Variants in DCAF6 observed in about 807,000 individuals in gnomAD.
DCAF6 encodes DDB1 and CUL4 associated factor 6, also known as DDB1- and CUL4-associated factor 6.
DCAF6 carries 54 observed loss-of-function variants against 125.1 expected under a neutral mutation model. That is an observed-to-expected ratio of 0.43 (90% confidence interval 0.35 to 0.54). The LOEUF (loss-of-function observed/expected upper bound fraction) is 0.54, where lower values mean the gene tolerates loss of function less well. Ranked by LOEUF, DCAF6 falls within the 20% of genes least tolerant of loss-of-function variation. The probability of loss-of-function intolerance (pLI) is 0.01; values close to 1 mark genes in which losing one functional copy is unlikely to be tolerated. For missense variants in DCAF6, 934 were observed against 1,161.7 expected (o/e 0.80, Z 2.85); for synonymous variants, 371 against 390.4 (o/e 0.95, Z 0.58).
the DCAF6 span, among the ~76,000 whole-genome samples, chr1:167,890,589 G>A: frequency 9.8e-6 from 1 of 102,256 alleles, no homozygotes; most frequent in Admixed American, 1.2e-4. Context: ...CAAGGCTCTA[G>A]CACTCTACAA....
At chr1:167,983,636 T>G (rs1412787140) in intron 4 of DCAF6, among the ~76,000 whole-genome samples, 1 of 152,250 alleles carries the variant, frequency 6.6e-6, no homozygotes, top group African/African-American at 2.4e-5. Context: ...GGTCCTTCTT[T>G]GGCATGTGCA....
chr1:168,062,474 C>G (rs1691721040), intron 17 of DCAF6, among the ~76,000 whole-genome samples: 1 of 152,176 alleles, frequency 6.6e-6, no homozygotes, highest in Non-Finnish European at 1.5e-5. Flanking sequence ...TGCCTGTTTT[C>G]CTGAACTCTT....
the DCAF6 span, among the ~76,000 whole-genome samples, chr1:167,912,774 G>A: frequency 6.6e-6 from 1 of 152,152 alleles, no homozygotes; most frequent in African/African-American, 2.4e-5. Flanking sequence ...TAAGAACCTT[G>A]GTGTTCCTCC....
chr1:168,005,966 CAGA>C lies in DCAF6; in HGVS notation c.1378+1176_1378+1178del, dbSNP rs767408995. 2.1e-4 allele frequency among the ~76,000 whole-genome samples: 32 copies of C among 152,102 alleles called. 1 individual carries two copies. In the East Asian group the frequency reaches 2.5e-3, roughly 12 times the overall value. On this transcript the variant is annotated intron_variant, in intron 10 of 21. Transcript: ENST00000367840. ...TTTTGGAAGATTTGGGAATTAAAAG[CAGA>C]AGTAGTTAAAAGTTTGTTTTTCAAA...
chr1:167,863,956 A>C, the DCAF6 span, among the ~76,000 whole-genome samples: 1 of 152,086 alleles, frequency 6.6e-6, no homozygotes, highest in African/African-American at 2.4e-5. Context: ...ATTACTTGAC[A>C]GGACTGGTCT....
At chr1:167,989,554 A>G (rs2102997923) in intron 5 of DCAF6, among the ~76,000 whole-genome samples, 1 of 152,336 alleles carries the variant, frequency 6.6e-6, no homozygotes, top group South Asian at 2.1e-4. Context: ...TGAGATTAGT[A>G]ATTGAACAAA....
chr1:167,936,923 T>G lies in DCAF6; in HGVS notation c.12T>G (p.Gly4=). 1 of 1,604,216 alleles carries G rather than the reference T, an allele frequency of 6.2e-7. No individual in the cohort carries two copies. The highest frequency in any genetic ancestry group is 8.5e-7 in the Non-Finnish European group (1 of 1,176,624). Reference sequence around the variant, plus strand: ...GCTCAGGCAGAGCCATGTCTCGGGGTGGCTCCTACCCACACCTGTTGTGGG... The same window carrying G: ...GCTCAGGCAGAGCCATGTCTCGGGGGGGCTCCTACCCACACCTGTTGTGGG... MSR[G]GSYPHLLWDV... The change falls in exon 1 of 22, where the codon GGT becomes GGG. Residue 4 remains glycine (G), a synonymous_variant. Coordinates refer to ENST00000367840, the MANE Select transcript of DCAF6 (RefSeq NM_001198956.2).
At chr1:168,072,139 A>G (rs1693122465) in intron 21 of DCAF6, among the ~76,000 whole-genome samples, 2 of 151,826 alleles carry the variant, frequency 1.3e-5, no homozygotes, top group Admixed American at 1.3e-4. Context: ...GTACTGAAAA[A>G]TACAAAAATT....
At chr1:167,894,942 T>C in the DCAF6 span, among the ~76,000 whole-genome samples, 1 of 152,114 alleles carries the variant, frequency 6.6e-6, no homozygotes, top group Non-Finnish European at 1.5e-5. Flanking sequence ...CCCAGCACTT[T>C]GGGAGGCCAA....
At chr1:168,069,139 C>G (rs1692731293) in intron 21 of DCAF6, among the ~76,000 whole-genome samples, 3 of 152,034 alleles carry the variant, frequency 2.0e-5, no homozygotes, top group Admixed American at 2.0e-4. Flanking sequence ...CAGCTTTATC[C>G]TCATTTACCT....
the DCAF6 span, among the ~76,000 whole-genome samples, chr1:167,894,749 T>A: frequency 6.6e-6 from 1 of 152,206 alleles, no homozygotes; most frequent in Admixed American, 6.5e-5. Flanking sequence ...CCTGAGGGCA[T>A]TAAGGAGATC....
Position 168,044,299 on chromosome 1 carries a change from A to G in DCAF6, c.1844-286A>G, listed in dbSNP as rs79986816. On this transcript the variant is annotated intron_variant, in intron 14 of 21. Transcript: ENST00000367840. ...TTGGCCCTACATGCCCATGGATTCC[A>G]TGGAAATACTCCCTCCCAAAATAAC... is the stretch of plus-strand genomic sequence containing the variant. Among the ~76,000 whole-genome samples the G allele has an allele frequency of 4.6e-3, 708 of 152,292 alleles. 8 individuals are homozygous for G. The East Asian group carries it at 0.058, about 12-fold the overall frequency.
chr1:167,869,823 C>A, the DCAF6 span, among the ~76,000 whole-genome samples: 1 of 151,986 alleles, frequency 6.6e-6, no homozygotes, highest in East Asian at 1.9e-4. Flanking sequence ...CGCTAGCCTG[C>A]CGATTCTCCC....
chr1:168,073,033 G>A (rs556521108), intron 21 of DCAF6, among the ~76,000 whole-genome samples: 2 of 152,218 alleles, frequency 1.3e-5, no homozygotes, highest in South Asian at 2.1e-4. Context: ...AAAATCAGCC[G>A]GGTGTGGTGG....
At chr1:168,041,008 A>G (rs1352921857) in intron 13 of DCAF6, among the ~76,000 whole-genome samples, 1 of 151,794 alleles carries the variant, frequency 6.6e-6, no homozygotes, top group East Asian at 1.9e-4. Flanking sequence ...ATGAGGCAAT[A>G]GAACATGCTA....
At chr1:167,865,675 C>G in the DCAF6 span, among the ~76,000 whole-genome samples, 1 of 152,176 alleles carries the variant, frequency 6.6e-6, no homozygotes, top group African/African-American at 2.4e-5. Flanking sequence ...ACTAGAGGAT[C>G]ATAGAAGTTA....
At chr1:168,002,339 G>C (rs1284769612) in intron 7 of DCAF6, 143 bp from the exon 8 acceptor site, 2 of 636,142 alleles carry the variant, frequency 3.1e-6, no homozygotes, top group African/African-American at 1.8e-5. Context: ...GCTTATACCA[G>C]TGTCTTTCAT....
At chr1:167,906,727 T>C in the DCAF6 span, among the ~76,000 whole-genome samples, 1 of 152,072 alleles carries the variant, frequency 6.6e-6, no homozygotes, top group African/African-American at 2.4e-5. Flanking sequence ...AGGTCAAGGC[T>C]GCAAGGAGCT....
intron 10 of DCAF6, among the ~76,000 whole-genome samples, chr1:168,013,181 C>T (rs1684528071): frequency 6.6e-6 from 1 of 152,072 alleles, no homozygotes; most frequent in African/African-American, 2.4e-5. Flanking sequence ...AGCAGTATGC[C>T]ACTGAGCATC....
Sources: gnomAD v4.1 joint callset for allele counts (sites outside exome capture counted in the v4.1 genomes callset) on GRCh38, gnomAD v4.1.1 for gene constraint, MANE v1.5 for transcripts, NCBI Gene and HGNC (gene_info 2026-07-23, HGNC 2026-07-21) for gene names.